STK24: variants seen among roughly 807,000 people sequenced by gnomAD.
STK24 encodes the protein serine/threonine-protein kinase 24.
A neutral mutation model predicts 55.6 loss-of-function variants in STK24; 21 were observed. The observed-to-expected ratio is 0.38, with a 90% CI of 0.27 to 0.54. STK24 has a LOEUF of 0.54. Ranked by LOEUF, STK24 falls within the 20% of genes least tolerant of loss-of-function variation. The pLI, the probability that STK24 is intolerant of heterozygous loss-of-function variation, is 0.79. For missense variants in STK24, 383 were observed against 538.4 expected (o/e 0.71, Z 2.86); for synonymous variants, 200 against 215.2 (o/e 0.93, Z 0.62).
chr13:98,522,021 T>C (rs958145485), intron 1 of STK24: 3 of 1,421,048 alleles, frequency 2.1e-6, no homozygotes, highest in Non-Finnish European at 2.8e-6. Context: ...CACTCTCTCC[T>C]TCCTCTGGAG....
intron 1 of STK24, chr13:98,553,744 C>T (rs7335063): frequency 0.18 from 27,583 of 152,036 alleles, 2,581 homozygotes; most frequent in South Asian, 0.25. Flanking sequence ...GAGAGTTGCT[C>T]AGGCTGAAAA....
intron 1 of STK24, among the ~76,000 whole-genome samples, chr13:98,545,813 T>C (rs1018522514): frequency 2.6e-5 from 4 of 152,170 alleles, no homozygotes; most frequent in African/African-American, 7.2e-5. Context: ...TCCTGAATTA[T>C]ATTACACCAA....
intron 2 of STK24, among the ~76,000 whole-genome samples, chr13:98,491,299 G>A (rs749964315): frequency 3.3e-5 from 5 of 152,184 alleles, no homozygotes; most frequent in Admixed American, 2.6e-4. Context: ...CATGGGGTAG[G>A]GGGAGATCAC....
Position 98,519,383 on chromosome 13 carries a change from G to T in STK24, c.133C>A (p.Arg45=), listed in dbSNP as rs753081866. Residue 45 remains arginine (R), a synonymous_variant, in exon 2 of 11, where the codon CGG becomes AGG. Transcript: ENST00000539966. ...TTTATGGCAACCACTTTCTGAGTCCGATTGTCAATGCCTTTGAACACCTCT... is the reference window on the plus strand; with the variant it reads ...TTTATGGCAACCACTTTCTGAGTCCTATTGTCAATGCCTTTGAACACCTCT... ...FGEVFKGIDN[R]TQKVVAIKII... is the part of the protein sequence containing the mutation. 150 of 1,614,030 alleles carry T rather than the reference G, an allele frequency of 9.3e-5. No individual in the cohort carries two copies. Among genetic ancestry groups the T allele is most frequent in the Non-Finnish European group, 1.2e-4 (146 of 1,180,042 alleles).
intron 5 of STK24, among the ~76,000 whole-genome samples, chr13:98,469,615 T>C (rs1894067418): frequency 6.6e-6 from 1 of 151,636 alleles, no homozygotes; most frequent in Non-Finnish European, 1.5e-5. Context: ...GTCACCCAGC[T>C]CCTTAGGATC....
At chr13:98,460,475 A>G (rs762531227) in intron 8 of STK24, 35 bp from the exon 9 acceptor site, 12 of 1,578,072 alleles carry the variant, frequency 7.6e-6, no homozygotes, top group Non-Finnish European at 1.0e-5. Context: ...CATCAGAAAC[A>G]GTTGACGTTC....
chr13:98,457,706 G>C lies in STK24; in HGVS notation c.1123-402C>G, dbSNP rs183025212. ...GCTGGTCTTGAACTCCTGACCTCAA[G>C]TGATCCGCCCGCCTCGGCCTCTCAA... On this transcript the variant is annotated intron_variant, in intron 9 of 10. Transcript: ENST00000539966. Among the ~76,000 whole-genome samples, 1,291 of 152,276 alleles carry C rather than the reference G, an allele frequency of 8.5e-3. 25 individuals are homozygous for C. Among genetic ancestry groups the C allele is most frequent in the African/African-American group, 0.03 (1,258 of 41,542 alleles).
chr13:98,576,922 G>A lies in STK24; in HGVS notation c.-136C>T, dbSNP rs1277635907. The A allele has an allele frequency of 2.4e-6, 1 of 416,426 alleles. No individual in the cohort carries two copies. The highest frequency in any genetic ancestry group is 3.2e-6 in the Non-Finnish European group (1 of 313,140). The allele number at this position is 416,426 out of a possible 1,614,324, so 25.8% of individuals were successfully genotyped here. On this transcript the variant is annotated 5_prime_UTR_variant, in exon 1 of 11. Coordinates refer to ENST00000539966, the MANE Select transcript of STK24 (RefSeq NM_001032296.4). ...AGCCCGAGGCCACCCCAGCCCTGGC[G>A]GGTCCCGGCCGGGCGGCGGGGGCTC...
At position 98,463,602 on chromosome 13, in the gene STK24, C is replaced by G. The variant is rs547371559; in HGVS notation, c.929+89G>C. 1,993 of 1,417,806 alleles carry G rather than the reference C, an allele frequency of 1.4e-3. 24 individuals carry two copies. In the African/African-American group the frequency reaches 0.026, roughly 19 times the overall value. The allele number at this position is 1,417,806 out of a possible 1,614,324, so 87.8% of individuals were successfully genotyped here. A position where few individuals can be genotyped will look rare whatever the true frequency, so the allele number is the denominator to read the frequency against. Reference sequence around the variant, plus strand: ...GATTGTCTAAAAAAAAAAAAAAACTCAACAGAAAACGAAACCCACACCAAA... The same window carrying G: ...GATTGTCTAAAAAAAAAAAAAAACTGAACAGAAAACGAAACCCACACCAAA... On this transcript the variant is annotated intron_variant, in intron 7 of 10. Transcript: ENST00000539966.
intron 1 of STK24, among the ~76,000 whole-genome samples, chr13:98,559,144 A>C (rs1897350832): frequency 6.6e-6 from 1 of 151,820 alleles, no homozygotes; most frequent in Admixed American, 6.6e-5. Context: ...ATTGCACTCC[A>C]GCCTGGGCAA....
chr13:98,523,227 T>A (rs1896322686), intron 1 of STK24, among the ~76,000 whole-genome samples: 2 of 152,098 alleles, frequency 1.3e-5, no homozygotes, highest in Non-Finnish European at 2.9e-5. Context: ...TCATGTTAGG[T>A]CAACTCATCA....
chr13:98,528,688 G>A lies in STK24; in HGVS notation c.43-9215C>T, dbSNP rs542969379. On this transcript the variant is annotated intron_variant, in intron 1 of 10. Transcript: ENST00000539966. ...TCTTCTTTTGATCATTTCTGGCAAT[G>A]AAAAATGCATGTGGCATTACCAATC... 3.5e-4 allele frequency among the ~76,000 whole-genome samples: 53 copies of A among 152,282 alleles called. 1 individual carries two copies. The South Asian group carries it at 0.011, about 32-fold the overall frequency.
intron 1 of STK24, among the ~76,000 whole-genome samples, chr13:98,550,966 T>C (rs933253973): frequency 6.6e-6 from 1 of 151,880 alleles, no homozygotes; most frequent in African/African-American, 2.4e-5. Flanking sequence ...AAAAAATACA[T>C]GCATATATAT....
At chr13:98,453,582 C>G (rs1024765357) in intron 10 of STK24, 13 of 174,810 alleles carry the variant, frequency 7.4e-5, no homozygotes, top group Non-Finnish European at 1.3e-4. Flanking sequence ...GATGTGAGGG[C>G]AGGAAACCCA....
intron 1 of STK24, among the ~76,000 whole-genome samples, chr13:98,573,947 A>G (rs888746697): frequency 6.6e-6 from 1 of 152,256 alleles, no homozygotes; most frequent in Non-Finnish European, 1.5e-5. Flanking sequence ...TGTTTATACT[A>G]ACATGGTTGT....
intron 5 of STK24, among the ~76,000 whole-genome samples, chr13:98,468,511 G>A (rs781030304): frequency 2.6e-5 from 4 of 152,206 alleles, no homozygotes; most frequent in Non-Finnish European, 5.9e-5. Flanking sequence ...CAGGCACAAG[G>A]AGGGAGGACC....
At chr13:98,536,951 G>A (rs1896753821) in intron 1 of STK24, among the ~76,000 whole-genome samples, 1 of 150,590 alleles carries the variant, frequency 6.6e-6, no homozygotes, top group Non-Finnish European at 1.5e-5. Context: ...AGGCCCTTGT[G>A]TGCCCCCGAC....
intron 1 of STK24, among the ~76,000 whole-genome samples, chr13:98,533,652 T>A: frequency 6.6e-6 from 1 of 152,042 alleles, no homozygotes; most frequent in Non-Finnish European, 1.5e-5. Context: ...CCCCCATCTC[T>A]AAAAATAAAA....
At chr13:98,497,118 C>CGGCACA (rs1895278975) in intron 2 of STK24, among the ~76,000 whole-genome samples, 1 of 152,148 alleles carries the variant, frequency 6.6e-6, no homozygotes, top group Non-Finnish European at 1.5e-5. Flanking sequence ...GCCCACTCTT[C>CGGCACA]GGCACACCTC....
Sources: gnomAD v4.1 joint callset for allele counts (sites outside exome capture counted in the v4.1 genomes callset) on GRCh38, gnomAD v4.1.1 for gene constraint, MANE v1.5 for transcripts, NCBI Gene and HGNC (gene_info 2026-07-23, HGNC 2026-07-21) for gene names.